Variants in IGSF22 observed in about 807,000 individuals in gnomAD.
IGSF22 encodes immunoglobulin superfamily, member 22.
In IGSF22, 119 loss-of-function variants were observed where a neutral mutation model predicts 127.0. The observed-to-expected ratio is 0.94, with a 90% CI of 0.81 to 1.09. IGSF22 has a LOEUF of 1.09. Among genes scored for constraint, IGSF22 ranks in the 50% least tolerant of loss-of-function variants. The pLI, the probability that IGSF22 is intolerant of heterozygous loss-of-function variation, is 0.00. For missense variants in IGSF22, 1,518 were observed against 1,716.6 expected, an observed-to-expected ratio of 0.88 and a Z score of 2.04; for synonymous variants, 568 against 664.7, an observed-to-expected ratio of 0.85 and a Z score of 2.24.
chr11:18,711,676 G>A (rs1287945142), intron 15 of IGSF22, among the ~76,000 whole-genome samples: 1 of 152,194 alleles, frequency 6.6e-6, no homozygotes, highest in Non-Finnish European at 1.5e-5. Context: ...AGGATTACAG[G>A]TGTGCGCCAC....
At chr11:18,708,040 A>C (rs1848279113) in intron 19 of IGSF22, 44 bp from the exon 20 acceptor site, 1 of 1,606,546 alleles carries the variant, frequency 6.2e-7, no homozygotes, top group East Asian at 2.2e-5. Context: ...CACAGATGAT[A>C]TTTGGGGGCA....
chr11:18,715,467 G>A lies in IGSF22; in HGVS notation c.1496C>T (p.Thr499Ile), dbSNP rs1259254910. The A allele has an allele frequency of 6.2e-7, 1 of 1,613,474 alleles. No individual in the cohort carries two copies. Residue 499 changes from threonine (T) to isoleucine (I), a missense_variant, in exon 11 of 23, where the codon ACT becomes ATT. Transcript: ENST00000513874. ...GACGATGGCAGTACTGTAGTATTCA[G>A]TAGGGTCTCCATCCTGCATGGCCAC... The part of the protein sequence containing the change: ...TVVAMQDGDP[T>I]EYYSTAIVTV...
At chr11:18,712,878 C>T (rs933095760) in intron 14 of IGSF22, among the ~76,000 whole-genome samples, 7 of 152,100 alleles carry the variant, frequency 4.6e-5, no homozygotes, top group Non-Finnish European at 8.8e-5. Flanking sequence ...TCCCAGAGCT[C>T]GATGGAAATG....
Position 18,720,174 on chromosome 11 carries a change from G to C in IGSF22, c.478+12C>G, listed in dbSNP as rs1281439060. The C allele has an allele frequency of 6.2e-7, 1 of 1,613,882 alleles. No homozygotes were observed. The highest frequency in any genetic ancestry group is 8.5e-7 in the Non-Finnish European group (1 of 1,179,748). On this transcript the variant is annotated intron_variant, in intron 5 of 22. Transcript: ENST00000513874. Reference sequence around the variant, plus strand: ...CCTAAGAAGAAAGGCCAAGAGGAAGGGGCCAACTCACCTTCTGTTACCAGC... The same window carrying C: ...CCTAAGAAGAAAGGCCAAGAGGAAGCGGCCAACTCACCTTCTGTTACCAGC...
intron 11 of IGSF22, 52 bp downstream of exon 11, chr11:18,715,379 GA>G (rs1848442610): frequency 1.9e-6 from 3 of 1,554,078 alleles, no homozygotes; most frequent in Non-Finnish European, 2.6e-6. Context: ...CACTGTAAGG[GA>G]ATGCCAGGGT....
rs1346910313 is a variant in IGSF22, at chr11:18,706,061, G to A, written c.3666C>T (p.His1222=). ...TGCAGTCCTGGCCGCGGAGCACCGTGTGTGGCTTGAGGGGCGTCACGAAGC... is the reference window on the plus strand; with the variant it reads ...TGCAGTCCTGGCCGCGGAGCACCGTATGTGGCTTGAGGGGCGTCACGAAGC... The part of the protein sequence containing the change: ...APRFVTPLKP[H]TVLRGQDCTM... The change falls in exon 22 of 23, where the codon CAC becomes CAT. Residue 1222 remains histidine (H), a synonymous_variant. Transcript: ENST00000513874. The A allele has an allele frequency of 6.4e-7, 1 of 1,550,992 alleles. No homozygotes were observed.
Position 18,716,296 on chromosome 11 carries a change from C to T in IGSF22, c.1246+432G>A, listed in dbSNP as rs954560192. Among the ~76,000 whole-genome samples the T allele has an allele frequency of 6.6e-6, 1 of 152,136 alleles. No individual in the cohort carries two copies. Among genetic ancestry groups the T allele is most frequent in the African/African-American group, 2.4e-5 (1 of 41,414 alleles). On this transcript the variant is annotated intron_variant, in intron 10 of 22. Transcript: ENST00000513874. This position sits in a 1 kb window ranked among gnomAD's most constrained non-coding sequence, Gnocchi z 4.5. Reference sequence around the variant, plus strand: ...TCCCTCCATCACAGCAATGATGATTCCATGTGATATAGATTCCAGGTGCGG... The same window carrying T: ...TCCCTCCATCACAGCAATGATGATTTCATGTGATATAGATTCCAGGTGCGG...
At chr11:18,722,176 A>C in intron 2 of IGSF22, 135 bp from the exon 3 acceptor site, 5 of 1,009,992 alleles carry the variant, frequency 5.0e-6, no homozygotes, top group Non-Finnish European at 7.3e-6. Flanking sequence ...AGGACCAGCT[A>C]CATGGGGAGA....
At chr11:18,723,146 G>A (rs1848601082) in intron 2 of IGSF22, among the ~76,000 whole-genome samples, 1 of 152,182 alleles carries the variant, frequency 6.6e-6, no homozygotes, top group African/African-American at 2.4e-5. Context: ...CCTGGGCCCT[G>A]TTGGTCAGTG....
rs1258985917 is a variant in IGSF22 at position 18,707,117 on chromosome 11, C to G, written c.3377G>C (p.Gly1126Ala). Residue 1126 changes from glycine (G) to alanine (A), a missense_variant, in exon 21 of 23, where the codon GGT (glycine) becomes GCT (alanine). Transcript: ENST00000513874. ...CTTCATGATGATGTAGTGAGCCTCA[C>G]CGTCCTCCTGCACATCTGGGCTGTG... ...WNHSPDVQED[G>A]EAHYIIMKRD... The G allele has an allele frequency of 3.2e-6, 5 of 1,551,682 alleles. No homozygotes were observed. In the South Asian group the frequency reaches 4.8e-5, roughly 15 times the overall value.
chr11:18,720,135 G>C (rs1848543344), intron 5 of IGSF22, 32 bp from the exon 6 acceptor site: 2 of 1,613,900 alleles, frequency 1.2e-6, no homozygotes, highest in African/African-American at 1.3e-5. Context: ...GGTTCAGACA[G>C]GGGGAGTCTG....
At chr11:18,711,692 C>G (rs187412703) in intron 15 of IGSF22, among the ~76,000 whole-genome samples, 4 of 152,134 alleles carry the variant, frequency 2.6e-5, no homozygotes, top group Non-Finnish European at 5.9e-5. Context: ...GCCACTGTGC[C>G]CAGCCTGCAA....
chr11:18,706,779 C>T (rs1848244659), intron 21 of IGSF22, 135 bp downstream of exon 21: 3 of 681,662 alleles, frequency 4.4e-6, no homozygotes, highest in Non-Finnish European at 7.0e-6. Context: ...CTCTCCGCAG[C>T]GTCCCAGATA....
chr11:18,720,170 G>A lies in IGSF22; in HGVS notation c.478+16C>T. On this transcript the variant is annotated intron_variant, in intron 5 of 22. Coordinates refer to ENST00000513874, the MANE Select transcript of IGSF22 (RefSeq NM_173588.4). The stretch of plus-strand genomic sequence containing the variant: ...GGTCCCTAAGAAGAAAGGCCAAGAG[G>A]AAGGGGCCAACTCACCTTCTGTTAC... The A allele has an allele frequency of 6.2e-7, 1 of 1,613,794 alleles. No individual in the cohort carries two copies. Among genetic ancestry groups the A allele is most frequent in the East Asian group, 2.2e-5 (1 of 44,886 alleles).
In IGSF22 at chr11:18,705,725, A is replaced by AT. The variant is rs753827808; in HGVS notation, c.3910+91_3910+92insA. 4.1e-5 allele frequency: 47 copies of AT among 1,158,468 alleles called. No individual in the cohort carries two copies. The South Asian group carries it at 6.0e-4, about 15-fold the overall frequency. 71.8% of individuals were successfully genotyped at this position (1,158,468 alleles called of 1,614,324 possible). A position where few individuals can be genotyped will look rare whatever the true frequency, so the allele number is the denominator to read the frequency against. The stretch of plus-strand genomic sequence containing the variant: ...CACCTGTTGGCAGTCAGATTAAAAA[A>AT]CGGTGCCAGCCAAATAGTTGACCAA... On this transcript the variant is annotated intron_variant, in intron 22 of 22. Transcript: ENST00000513874.
In IGSF22 at chr11:18,712,391, A is replaced by T; in HGVS notation, c.2096-7T>A. On this transcript the variant is annotated splice_region_variant and splice_polypyrimidine_tract_variant and intron_variant, in intron 14 of 22. Coordinates refer to ENST00000513874, the MANE Select transcript of IGSF22 (RefSeq NM_173588.4). ...TGTGGAGGCTTTGGACGGTCTGGGG[A>T]CAGAGAACAGCTTCAGAATGGGGCT... 3 of 1,544,566 alleles carry T rather than the reference A, an allele frequency of 1.9e-6. No homozygotes were observed. The highest frequency in any genetic ancestry group is 2.6e-6 in the Non-Finnish European group (3 of 1,142,412).
At position 18,707,091 on chromosome 11, in the gene IGSF22, G is replaced by A. The variant is rs562275841; in HGVS notation, c.3403C>T (p.Arg1135Trp). The A allele has an allele frequency of 5.8e-6, 9 of 1,551,640 alleles. No individual in the cohort carries two copies. The East Asian group carries it at 9.8e-5, about 17-fold the overall frequency. ...TACCAGGTGGCTGTGCTTGCATCCCGCTTCATGATGATGTAGTGAGCCTCA... is the reference window on the plus strand; with the variant it reads ...TACCAGGTGGCTGTGCTTGCATCCCACTTCATGATGATGTAGTGAGCCTCA... ...DGEAHYIIMK[R>W]DASTATWYTA... is the part of the protein sequence containing the mutation. Residue 1135 changes from arginine (R) to tryptophan (W), a missense_variant, in exon 21 of 23, where the codon CGG becomes TGG. Coordinates refer to ENST00000513874, the MANE Select transcript of IGSF22 (RefSeq NM_173588.4).
chr11:18,708,323 C>T lies in IGSF22; in HGVS notation c.2999-28G>A, dbSNP rs574423870. Reference sequence around the variant, plus strand: ...GAGATGGAGGAGACAGAGGTGGAGGCATGGATCTGTCTTTCAAGAAGACTC... The same window carrying T: ...GAGATGGAGGAGACAGAGGTGGAGGTATGGATCTGTCTTTCAAGAAGACTC... On this transcript the variant is annotated intron_variant, in intron 18 of 22. Coordinates refer to ENST00000513874, the MANE Select transcript of IGSF22 (RefSeq NM_173588.4). 23 of 1,497,826 alleles carry T rather than the reference C, an allele frequency of 1.5e-5. No homozygotes were observed. In the South Asian group the frequency reaches 2.9e-4, roughly 19 times the overall value. The allele number at this position is 1,497,826 out of a possible 1,614,324, so 92.8% of individuals were successfully genotyped here.
In IGSF22 at chr11:18,709,342, G is replaced by T. The variant is rs375037774; in HGVS notation, c.2998+45C>A. On this transcript the variant is annotated intron_variant, in intron 18 of 22. Transcript: ENST00000513874. This position sits in a 1 kb window ranked among gnomAD's most constrained non-coding sequence, Gnocchi z 4.8. ...GAGGCCCCAGAGGAGAAGGTTTGGA[G>T]GTACAATGTTGGGCATGAATCCCCA... The T allele has an allele frequency of 2.5e-6, 4 of 1,573,000 alleles. No homozygotes were observed. The highest frequency in any genetic ancestry group is 3.5e-6 in the Non-Finnish European group (4 of 1,150,298).
Sources: gnomAD v4.1 joint callset for allele counts (sites outside exome capture counted in the v4.1 genomes callset) on GRCh38, gnomAD v4.1.1 for gene constraint, Gnocchi (gnomAD v3.1) non-coding constraint, MANE v1.5 for transcripts, NCBI Gene and HGNC (gene_info 2026-07-23, HGNC 2026-07-21) for gene names.